The following SOX6 variants were observed in gnomAD, a reference collection of about 807,000 sequenced individuals.
SOX6 encodes transcription factor SOX-6.
In SOX6, 11 loss-of-function variants were observed where a neutral mutation model predicts 97.8. That is an observed-to-expected ratio of 0.11 (90% CI 0.07 to 0.19). The LOEUF (loss-of-function observed/expected upper bound fraction) is 0.19, where lower values mean the gene tolerates loss of function less well. Ranked by LOEUF, SOX6 falls within the 10% of genes least tolerant of loss-of-function variation. The pLI is 1.00. For missense variants in SOX6, 810 were observed against 1,039.5 expected (o/e 0.78, Z 3.04); for synonymous variants, 360 against 371.4 (o/e 0.97, Z 0.35).
intron 1 of SOX6, among the ~76,000 whole-genome samples, chr11:16,430,766 C>T (rs545300431): frequency 2.0e-5 from 3 of 152,322 alleles, no homozygotes; most frequent in African/African-American, 7.2e-5. Context: ...TTGACTGAGA[C>T]ACCTCCTAAC....
At chr11:16,479,507 G>A (rs1258286755), upstream of SOX6, among the ~76,000 whole-genome samples, 2 of 150,438 alleles carry the variant, frequency 1.3e-5, no homozygotes, top group African/African-American at 4.9e-5. Flanking sequence ...TCCAACCCGG[G>A]CAACGGAGTG....
chr11:16,153,799 AT>A (rs1343546472), intron 6 of SOX6, among the ~76,000 whole-genome samples: 1 of 152,162 alleles, frequency 6.6e-6, no homozygotes, highest in Non-Finnish European at 1.5e-5. Flanking sequence ...CTTACACACT[AT>A]TGATAAAATA....
intron 3 of SOX6, among the ~76,000 whole-genome samples, chr11:16,251,635 A>T (rs1310543444): frequency 6.6e-6 from 1 of 152,164 alleles, no homozygotes; most frequent in African/African-American, 2.4e-5. Flanking sequence ...CCTGATTGCC[A>T]CACTGGTGAA....
chr11:16,095,351 G>T (rs1478722603), intron 9 of SOX6, among the ~76,000 whole-genome samples: 1 of 151,674 alleles, frequency 6.6e-6, no homozygotes, highest in Non-Finnish European at 1.5e-5. Context: ...TTCTCTCAGT[G>T]GTAAGAATAT....
At chr11:16,131,757 T>C (rs1021696296) in intron 6 of SOX6, among the ~76,000 whole-genome samples, 4 of 152,004 alleles carry the variant, frequency 2.6e-5, no homozygotes, top group African/African-American at 2.4e-5. Context: ...TAACAAAATA[T>C]TGACATACCC....
chr11:16,068,610 C>A (rs988481363), intron 9 of SOX6, among the ~76,000 whole-genome samples: 3 of 152,078 alleles, frequency 2.0e-5, no homozygotes, highest in Non-Finnish European at 4.4e-5. Flanking sequence ...AGGGGAAGAA[C>A]TACTACACTC....
Position 16,014,926 on chromosome 11 carries a change from G to C in SOX6, c.1732+16C>G. On this transcript the variant is annotated intron_variant, in intron 13 of 15. Coordinates refer to ENST00000683767, the MANE Select transcript of SOX6 (RefSeq NM_001367873.1). ...CACATGGAGCAGCAGAAAAGAACTA[G>C]AGAAAAGCCACTCACCCTCTGCATC... The C allele has an allele frequency of 1.2e-6, 2 of 1,608,184 alleles. No homozygotes were observed. Among genetic ancestry groups the C allele is most frequent in the Non-Finnish European group, 1.7e-6 (2 of 1,175,200 alleles).
At chr11:16,371,899 G>A (rs1857502381) in intron 1 of SOX6, among the ~76,000 whole-genome samples, 6 of 152,004 alleles carry the variant, frequency 3.9e-5, no homozygotes, top group Admixed American at 3.9e-4. Flanking sequence ...TCAGATTAGG[G>A]TTGCTCGACC....
At chr11:16,114,579 A>G (rs1191289152) in intron 6 of SOX6, among the ~76,000 whole-genome samples, 1 of 152,224 alleles carries the variant, frequency 6.6e-6, no homozygotes, top group Non-Finnish European at 1.5e-5. Flanking sequence ...AACAAGCAAT[A>G]GTTGATCTTA....
At chr11:16,712,355 C>T (rs1037015767) in intron 3 of SOX6, among the ~76,000 whole-genome samples, 1 of 152,176 alleles carries the variant, frequency 6.6e-6, no homozygotes, top group African/African-American at 2.4e-5. Flanking sequence ...ACTAGTTTTA[C>T]ATTCCCACCA....
At chr11:16,206,958 A>C (rs1333895879) in intron 4 of SOX6, among the ~76,000 whole-genome samples, 1 of 152,126 alleles carries the variant, frequency 6.6e-6, no homozygotes, top group East Asian at 1.9e-4. Context: ...CATGATATAC[A>C]TAGCACTTCA....
At chr11:16,020,520 A>G (rs1855023250) in intron 12 of SOX6, among the ~76,000 whole-genome samples, 1 of 151,940 alleles carries the variant, frequency 6.6e-6, no homozygotes, top group Admixed American at 6.6e-5. Context: ...CACCTTTTTA[A>G]ACTCAATTTT....
chr11:16,345,025 T>C (rs1856738698), intron 1 of SOX6, among the ~76,000 whole-genome samples: 1 of 151,990 alleles, frequency 6.6e-6, no homozygotes, highest in Non-Finnish European at 1.5e-5. Flanking sequence ...AAAATTTAAA[T>C]GCAATCAAAT....
chr11:16,138,672 G>A (rs1246455622), intron 6 of SOX6, among the ~76,000 whole-genome samples: 1 of 151,810 alleles, frequency 6.6e-6, no homozygotes, highest in African/African-American at 2.4e-5. Flanking sequence ...TTAGCATTAG[G>A]TATATCTCCT....
intron 1 of SOX6, among the ~76,000 whole-genome samples, chr11:16,456,574 C>G (rs183040178): frequency 1.4e-4 from 21 of 152,156 alleles, no homozygotes; most frequent in Admixed American, 1.2e-3. Context: ...CCAAGTCACT[C>G]GAGATACCAG....
intron 4 of SOX6, among the ~76,000 whole-genome samples, chr11:16,534,197 T>G (rs761856181): frequency 5.3e-5 from 8 of 152,102 alleles, no homozygotes; most frequent in Admixed American, 2.0e-4. Context: ...ACAATATTGG[T>G]TGGTGATGCA....
chr11:15,995,213 T>C (rs560736353), intron 13 of SOX6, among the ~76,000 whole-genome samples: 1 of 152,312 alleles, frequency 6.6e-6, no homozygotes, highest in African/African-American at 2.4e-5. Context: ...AGAATTTGAA[T>C]TGGAATCCTA....
chr11:16,020,628 G>A (rs1166578335), intron 12 of SOX6, among the ~76,000 whole-genome samples: 1 of 151,794 alleles, frequency 6.6e-6, no homozygotes, highest in East Asian at 1.9e-4. Context: ...TTTCTCCTTC[G>A]CCAAATCCTA....
chr11:16,363,348 T>C (rs1857258271), intron 1 of SOX6, among the ~76,000 whole-genome samples: 1 of 152,198 alleles, frequency 6.6e-6, no homozygotes, highest in African/African-American at 2.4e-5. Flanking sequence ...TTTTGAGCTC[T>C]GACACAATGG....
Sources: allele counts gnomAD v4.1 joint callset (sites outside exome capture counted in the v4.1 genomes callset), GRCh38; gene constraint gnomAD v4.1.1; transcripts MANE v1.5; gene names NCBI Gene and HGNC (gene_info 2026-07-23, HGNC 2026-07-21).